Variants in PREX1 observed in about 807,000 individuals in gnomAD.
PREX1 encodes the protein phosphatidylinositol-3,4,5-trisphosphate dependent Rac exchange factor 1, also known as phosphatidylinositol 3,4,5-trisphosphate-dependent Rac exchanger 1 protein.
PREX1 carries 41 observed loss-of-function variants against 198.3 expected under a neutral mutation model. That is an observed-to-expected ratio of 0.21 (90% confidence interval 0.16 to 0.27). The LOEUF (loss-of-function observed/expected upper bound fraction) is 0.27, where lower values mean the gene tolerates loss of function less well. Ranked by LOEUF, PREX1 falls within the 10% of genes least tolerant of loss-of-function variation. The pLI is 1.00. For missense variants in PREX1, 1,620 were observed against 2,200.7 expected, an observed-to-expected ratio of 0.74 and a Z score of 5.28; for synonymous variants, 843 against 887.2, an observed-to-expected ratio of 0.95 and a Z score of 0.89.
chr20:48,728,775 G>T (rs1238798982), intron 4 of PREX1, among the ~76,000 whole-genome samples: 1 of 152,052 alleles, frequency 6.6e-6, no homozygotes, highest in Non-Finnish European at 1.5e-5. Flanking sequence ...CAGCCACCAA[G>T]GACACTTCCC....
At chr20:48,647,394 G>A (rs1373591260) in intron 25 of PREX1, among the ~76,000 whole-genome samples, 2 of 151,872 alleles carry the variant, frequency 1.3e-5, no homozygotes, top group South Asian at 2.1e-4. Context: ...GGTGGCGTGT[G>A]CCTATAGTCC....
chr20:48,777,633 T>C (rs1485169621), intron 1 of PREX1, among the ~76,000 whole-genome samples: 1 of 152,120 alleles, frequency 6.6e-6, no homozygotes, highest in Non-Finnish European at 1.5e-5. Flanking sequence ...TGGACTCTGA[T>C]ATAAAGACCA....
chr20:48,804,140 C>G (rs2090399539), intron 1 of PREX1, among the ~76,000 whole-genome samples: 1 of 152,234 alleles, frequency 6.6e-6, no homozygotes, highest in Non-Finnish European at 1.5e-5. Flanking sequence ...AAATACGTGA[C>G]AACGACTGGA....
chr20:48,862,788 A>ATATATATATATAT, the PREX1 span, among the ~76,000 whole-genome samples: 1 of 49,838 alleles, frequency 2.0e-5, no homozygotes, highest in African/African-American at 1.2e-4. Flanking sequence ...CCTAAAAAAA[A>ATATATATATATAT]AAATATATAT....
At chr20:48,784,200 G>A (rs961843860) in intron 1 of PREX1, among the ~76,000 whole-genome samples, 2 of 152,076 alleles carry the variant, frequency 1.3e-5, no homozygotes, top group East Asian at 1.9e-4. Context: ...GTCCAAAAAC[G>A]GGCTCCAGGG....
At chr20:48,654,068 G>A (rs1313156665) in intron 19 of PREX1, among the ~76,000 whole-genome samples, 1 of 152,210 alleles carries the variant, frequency 6.6e-6, no homozygotes, top group African/African-American at 2.4e-5. Context: ...TGGTGTGGTG[G>A]TGCCAAGTAC....
At chr20:48,836,119 G>A in the PREX1 span, among the ~76,000 whole-genome samples, 2 of 152,118 alleles carry the variant, frequency 1.3e-5, no homozygotes, top group Non-Finnish European at 2.9e-5. Context: ...GGCAGGGGTC[G>A]GTGGGGTGCT....
rs1348742136 is a variant in PREX1, at chr20:48,651,562, C to G, written c.2489G>C (p.Gly830Ala). Residue 830 changes from glycine (G) to alanine (A), a missense_variant, in exon 22 of 40, where the codon GGT becomes GCT. Coordinates refer to ENST00000371941, the MANE Select transcript of PREX1 (RefSeq NM_020820.4). ...GTCCTCACACAGGCTCAGCCGGGGA[C>G]CCAGGGACAGCAGTGGGAAGGCTGG... Reference protein sequence around the residue: ...ADSAFPLLSLGPRLSLCEDSP... With the variant: ...ADSAFPLLSLAPRLSLCEDSP... The G allele has an allele frequency of 1.2e-6, 2 of 1,613,672 alleles. No homozygotes were observed. The highest frequency in any genetic ancestry group is 1.7e-6 in the Non-Finnish European group (2 of 1,179,858).
intron 4 of PREX1, among the ~76,000 whole-genome samples, chr20:48,730,545 G>A (rs1355866301): frequency 1.3e-5 from 2 of 152,068 alleles, no homozygotes; most frequent in African/African-American, 4.8e-5. Context: ...AGGTCTGGGG[G>A]CCATGACTGG....
chr20:48,641,416 C>A (rs1460410705), intron 29 of PREX1, among the ~76,000 whole-genome samples: 1 of 151,940 alleles, frequency 6.6e-6, no homozygotes, highest in African/African-American at 2.4e-5. Context: ...AAGGTCCTTT[C>A]AAAATTAAAT....
At chr20:48,796,650 TATAA>T in intron 1 of PREX1, among the ~76,000 whole-genome samples, 1 of 151,152 alleles carries the variant, frequency 6.6e-6, no homozygotes, top group South Asian at 2.1e-4. Context: ...ATACTGTATA[TATAA>T]ATATCCAGTT....
intron 1 of PREX1, among the ~76,000 whole-genome samples, chr20:48,799,311 A>C (rs936792488): frequency 6.6e-5 from 10 of 152,156 alleles, no homozygotes; most frequent in African/African-American, 2.2e-4. Flanking sequence ...TGCTGCATGG[A>C]AGCCCCTCAC....
chr20:48,870,505 T>G, the PREX1 span, among the ~76,000 whole-genome samples: 1 of 152,216 alleles, frequency 6.6e-6, no homozygotes, highest in South Asian at 2.1e-4. Flanking sequence ...CTGTGGCTTC[T>G]GCAAAGTCAC....
intron 7 of PREX1, among the ~76,000 whole-genome samples, chr20:48,697,000 A>ACC (rs1415663855): frequency 7.0e-6 from 1 of 142,978 alleles, no homozygotes; most frequent in Non-Finnish European, 1.5e-5. Context: ...ACACACACAC[A>ACC]CACCCTATTG....
intron 7 of PREX1, among the ~76,000 whole-genome samples, chr20:48,699,665 A>G (rs976233668): frequency 5.3e-5 from 8 of 152,000 alleles, no homozygotes; most frequent in African/African-American, 1.9e-4. Context: ...CCATCCATCT[A>G]CTAATCTCCA....
chr20:48,776,276 G>C (rs1199932489), intron 1 of PREX1, among the ~76,000 whole-genome samples: 2 of 152,168 alleles, frequency 1.3e-5, no homozygotes, highest in East Asian at 3.8e-4. Flanking sequence ...CACAACCTCA[G>C]GGCTGCTCTG....
At position 48,648,059 on chromosome 20, in the gene PREX1, C is replaced by A. The variant is rs147395962; in HGVS notation, c.3305+1241G>T. Among the ~76,000 whole-genome samples the A allele has an allele frequency of 6.7e-3, 1,019 of 152,188 alleles. 16 individuals carry two copies. The highest frequency in any genetic ancestry group is 0.023 in the African/African-American group (963 of 41,504). On this transcript the variant is annotated intron_variant, in intron 25 of 39. Transcript: ENST00000371941. The stretch of plus-strand genomic sequence containing the variant: ...CTGGGACAACAGGTGTATGCCATCA[C>A]GCCTGGCTAATTTTAGGATTTTTTT...
chr20:48,736,163 T>G (rs1033816097), intron 3 of PREX1, among the ~76,000 whole-genome samples: 1 of 152,142 alleles, frequency 6.6e-6, no homozygotes, highest in Non-Finnish European at 1.5e-5. Context: ...TCACAATACT[T>G]CAATACCACA....
At chr20:48,806,191 G>A (rs1361668163) in intron 1 of PREX1, among the ~76,000 whole-genome samples, 4 of 152,196 alleles carry the variant, frequency 2.6e-5, no homozygotes, top group African/African-American at 4.8e-5. Context: ...TGGGGGAGGG[G>A]CCAAACTGCC....
Sources: gnomAD v4.1 joint callset for allele counts (sites outside exome capture counted in the v4.1 genomes callset) on GRCh38, gnomAD v4.1.1 for gene constraint, MANE v1.5 for transcripts, NCBI Gene and HGNC (gene_info 2026-07-23, HGNC 2026-07-21) for gene names.